The following MAP4K5 variants were observed in gnomAD, a reference collection of about 807,000 sequenced individuals.
MAP4K5 encodes the protein mitogen-activated protein kinase kinase kinase kinase 5, also known as MAPK/ERK kinase kinase kinase 5.
In MAP4K5, 82 loss-of-function variants were observed where a neutral mutation model predicts 135.6. That is an observed-to-expected ratio of 0.60 (90% CI 0.51 to 0.73). MAP4K5 has a LOEUF of 0.73. Among genes scored for constraint, MAP4K5 ranks in the 30% least tolerant of loss-of-function variants. MAP4K5 has a pLI of 0.00. For missense variants in MAP4K5, 907 were observed against 1,010.9 expected, an observed-to-expected ratio of 0.90 and a Z score of 1.39; for synonymous variants, 347 against 335.0, an observed-to-expected ratio of 1.04 and a Z score of -0.39.
chr14:50,507,526 C>A (rs1430214860), intron 2 of MAP4K5, among the ~76,000 whole-genome samples: 2 of 152,054 alleles, frequency 1.3e-5, no homozygotes, highest in African/African-American at 4.8e-5. Context: ...TAAATGTGTC[C>A]CAGAGATTCT....
intron 6 of MAP4K5, among the ~76,000 whole-genome samples, chr14:50,479,186 CTTTTT>C (rs34038301): frequency 7.0e-6 from 1 of 142,530 alleles, no homozygotes; most frequent in African/African-American, 2.6e-5. Flanking sequence ...CATTCTCTCT[CTTTTT>C]TTTTTTCTCA....
chr14:50,467,332 T>C (rs1165039846), intron 10 of MAP4K5, among the ~76,000 whole-genome samples: 1 of 152,022 alleles, frequency 6.6e-6, no homozygotes, highest in Non-Finnish European at 1.5e-5. Flanking sequence ...ATTTTTCCTT[T>C]CTAAAAATTA....
At chr14:50,450,904 A>G (rs2036469936) in intron 14 of MAP4K5, among the ~76,000 whole-genome samples, 1 of 152,228 alleles carries the variant, frequency 6.6e-6, no homozygotes, top group African/African-American at 2.4e-5. Flanking sequence ...CAACCAAAGA[A>G]GCTAGAAAAT....
At chr14:50,445,941 T>C in intron 17 of MAP4K5, 138 bp downstream of exon 17, 1 of 510,552 alleles carries the variant, frequency 2.0e-6, no homozygotes, top group Non-Finnish European at 3.4e-6. Flanking sequence ...TTTTACACCA[T>C]CATACACTTC....
intron 13 of MAP4K5, among the ~76,000 whole-genome samples, chr14:50,460,376 C>T (rs1595465403): frequency 2.0e-5 from 3 of 152,142 alleles, no homozygotes; most frequent in East Asian, 1.9e-4. Context: ...AGTATGGTGA[C>T]ATCATTAAAC....
At chr14:50,485,457 C>T (rs895082838) in intron 5 of MAP4K5, 121 bp downstream of exon 5, 9 of 649,262 alleles carry the variant, frequency 1.4e-5, no homozygotes, top group Admixed American at 1.2e-4. Flanking sequence ...TGCAGTGCTC[C>T]GGGAACAGAA....
chr14:50,523,476 T>C (rs1357277275), intron 2 of MAP4K5, among the ~76,000 whole-genome samples: 1 of 152,130 alleles, frequency 6.6e-6, no homozygotes, highest in Non-Finnish European at 1.5e-5. Context: ...GAAAGAGATT[T>C]AAGACTTCCT....
Position 50,504,853 on chromosome 14 carries a change from C to T in MAP4K5, c.113G>A (p.Arg38Lys), listed in dbSNP as rs1401510338. Residue 38 changes from arginine (R) to lysine (K), a missense_variant, in exon 3 of 33, where the codon AGA (arginine) becomes AAA (lysine). Arg to Lys is a conservative substitution (Grantham distance 26). Around this residue, in one of 3 missense-constraint regions of MAP4K5, gnomAD observed 196 missense variants for 189.3 expected, o/e 1.04. Coordinates refer to ENST00000682126, the MANE Select transcript of MAP4K5 (RefSeq NM_006575.6). ...SGTYGDVYKA[R>K]NVHTGELAAV... is the part of the protein sequence containing the mutation. ...AGCCAGCTCTCCTGTGTGTACATTT[C>T]TGGCCTAAAAATAAAATAAAAACAA... 2.6e-6 allele frequency: 4 copies of T among 1,536,380 alleles called. No individual in the cohort carries two copies. Among genetic ancestry groups the T allele is most frequent in the Non-Finnish European group, 3.5e-6 (4 of 1,143,146 alleles).
intron 1 of MAP4K5, among the ~76,000 whole-genome samples, chr14:50,545,047 AG>A (rs1320344627): frequency 1.3e-5 from 2 of 152,008 alleles, no homozygotes; most frequent in South Asian, 4.2e-4. Context: ...CCAGGCTGTG[AG>A]CCAAGGCCAT....
intron 9 of MAP4K5, among the ~76,000 whole-genome samples, chr14:50,473,692 T>C (rs1306005539): frequency 6.6e-6 from 1 of 151,660 alleles, no homozygotes; most frequent in Non-Finnish European, 1.5e-5. Context: ...AAGCAGATAG[T>C]TACTGATGGC....
At chr14:50,461,502 A>G (rs2139806008) in intron 13 of MAP4K5, among the ~76,000 whole-genome samples, 1 of 152,348 alleles carries the variant, frequency 6.6e-6, no homozygotes, top group African/African-American at 2.4e-5. Context: ...AAAGGAGAAG[A>G]AGGAACATAA....
intron 6 of MAP4K5, among the ~76,000 whole-genome samples, chr14:50,478,359 T>G (rs903276183): frequency 1.2e-4 from 18 of 152,264 alleles, no homozygotes; most frequent in South Asian, 4.1e-4. Context: ...AATCAGATTT[T>G]TATTTCACTG....
chr14:50,531,984 G>C lies in MAP4K5; in HGVS notation c.66C>G (p.Leu22=), dbSNP rs202072790. The C allele has an allele frequency of 1.4e-5, 22 of 1,604,222 alleles. No individual in the cohort carries two copies. The highest frequency in any genetic ancestry group is 1.6e-5 in the Non-Finnish European group (19 of 1,175,796). ...AGGTGCCGCTGCCGACCCTCTGGAC[G>C]AGTTCGTAGTCCTGCTGCGGGTTCC... The part of the protein sequence containing the change: ...LRRNPQQDYE[L]VQRVGSGTYG... The change falls in exon 2 of 33, where the codon CTC becomes CTG. Residue 22 remains leucine, a synonymous_variant. Transcript: ENST00000682126.
At chr14:50,545,859 C>T (rs2038624857) in intron 1 of MAP4K5, among the ~76,000 whole-genome samples, 1 of 152,206 alleles carries the variant, frequency 6.6e-6, no homozygotes, top group Non-Finnish European at 1.5e-5. Flanking sequence ...CATCCTTGTG[C>T]ACCTTTTTAA....
intron 1 of MAP4K5, among the ~76,000 whole-genome samples, chr14:50,557,424 TC>T: frequency 6.6e-6 from 1 of 152,334 alleles, no homozygotes; most frequent in South Asian, 2.1e-4. Flanking sequence ...TCATATCCTT[TC>T]CTTTTTCCAG....
intron 2 of MAP4K5, among the ~76,000 whole-genome samples, chr14:50,524,459 A>G (rs2038217079): frequency 6.6e-6 from 1 of 152,232 alleles, no homozygotes; most frequent in Admixed American, 6.5e-5. Flanking sequence ...AACAGTAAAC[A>G]TAAGATCTCT....
intron 3 of MAP4K5, among the ~76,000 whole-genome samples, chr14:50,497,208 G>A (rs2037613483): frequency 6.6e-6 from 1 of 151,926 alleles, no homozygotes; most frequent in African/African-American, 2.4e-5. Flanking sequence ...TTCATAATAA[G>A]TAAATATGGT....
At chr14:50,483,837 C>CATTTATTT (rs72048369) in intron 5 of MAP4K5, among the ~76,000 whole-genome samples, 359 of 144,292 alleles carry the variant, frequency 2.5e-3, no homozygotes, top group South Asian at 7.0e-3. Flanking sequence ...ACAGCAATTC[C>CATTTATTT]ATTTATTTAT....
Position 50,456,325 on chromosome 14 carries a change from T to C in MAP4K5, c.1015+191A>G, listed in dbSNP as rs553597686. Reference sequence around the variant, plus strand: ...CATGATTTTGTCCATAACTGGAAAATAAAAATTATTCAGAAATTACAAACC... The same window carrying C: ...CATGATTTTGTCCATAACTGGAAAACAAAAATTATTCAGAAATTACAAACC... On this transcript the variant is annotated intron_variant, in intron 14 of 32. Coordinates refer to ENST00000682126, the MANE Select transcript of MAP4K5 (RefSeq NM_006575.6). 53 of 546,136 alleles carry C rather than the reference T, an allele frequency of 9.7e-5. No homozygotes were observed. In the South Asian group the frequency reaches 1.2e-3, roughly 13 times the overall value. The allele number at this position is 546,136 out of a possible 1,614,324, so 33.8% of individuals were successfully genotyped here.
Sources: gnomAD v4.1 joint callset for allele counts (sites outside exome capture counted in the v4.1 genomes callset) on GRCh38, gnomAD v4.1.1 for gene constraint, gnomAD v4.1.1 regional missense constraint, MANE v1.5 for transcripts, NCBI Gene and HGNC (gene_info 2026-07-23, HGNC 2026-07-21) for gene names.